Variants in RASGRF2 observed in about 807,000 individuals in gnomAD.
RASGRF2 encodes the protein ras-specific guanine nucleotide-releasing factor 2.
RASGRF2 carries 76 observed loss-of-function variants against 151.0 expected under a neutral mutation model. The observed-to-expected ratio is 0.50, with a 90% CI of 0.42 to 0.61. RASGRF2 has a LOEUF of 0.61. Among genes scored for constraint, RASGRF2 ranks in the 20% least tolerant of loss-of-function variants. RASGRF2 has a pLI of 0.00. For missense variants in RASGRF2, 1,148 were observed against 1,564.6 expected, an observed-to-expected ratio of 0.73 and a Z score of 4.49; for synonymous variants, 504 against 566.5, an observed-to-expected ratio of 0.89 and a Z score of 1.57.
At chr5:81,205,723 A>C (rs1431455639) in intron 19 of RASGRF2, among the ~76,000 whole-genome samples, 2 of 151,954 alleles carry the variant, frequency 1.3e-5, no homozygotes, top group African/African-American at 4.8e-5. Context: ...ATGGTTTGGG[A>C]CCGTTTAACT....
intron 1 of RASGRF2, among the ~76,000 whole-genome samples, chr5:81,022,807 C>CA (rs1459902798): frequency 6.6e-6 from 1 of 151,362 alleles, no homozygotes; most frequent in African/African-American, 2.4e-5. Flanking sequence ...GACCTGCTAT[C>CA]AGACAGAGCA....
chr5:81,135,501 T>C (rs1019737390), intron 17 of RASGRF2, among the ~76,000 whole-genome samples: 5 of 152,222 alleles, frequency 3.3e-5, no homozygotes, highest in Admixed American at 6.5e-5. Flanking sequence ...TTGTTCTCGA[T>C]ATTTAATATA....
chr5:81,037,475 A>T (rs933650685), intron 1 of RASGRF2, among the ~76,000 whole-genome samples: 1 of 152,116 alleles, frequency 6.6e-6, no homozygotes, highest in East Asian at 1.9e-4. Flanking sequence ...GGAAGATTGT[A>T]GGATCCTCTT....
chr5:80,970,909 T>A (rs953230719), intron 1 of RASGRF2, among the ~76,000 whole-genome samples: 1 of 152,180 alleles, frequency 6.6e-6, no homozygotes, highest in Non-Finnish European at 1.5e-5. Context: ...AGTAGCAGTT[T>A]TACATCCTCA....
chr5:81,201,819 G>T (rs1755401952), intron 19 of RASGRF2, among the ~76,000 whole-genome samples: 1 of 152,230 alleles, frequency 6.6e-6, no homozygotes, highest in African/African-American at 2.4e-5. Context: ...ATGTTTGTGA[G>T]TGTGGTTGTG....
chr5:81,113,404 G>C (rs1410934671), intron 14 of RASGRF2, 134 bp from the exon 15 acceptor site: 1 of 1,066,260 alleles, frequency 9.4e-7, no homozygotes, highest in Non-Finnish European at 1.3e-6. Context: ...GTAGCATTTA[G>C]ATTAACGGAA....
intron 12 of RASGRF2, among the ~76,000 whole-genome samples, chr5:81,099,064 C>T (rs1280771859): frequency 6.6e-6 from 1 of 152,174 alleles, no homozygotes; most frequent in Non-Finnish European, 1.5e-5. Context: ...ATGCAGATTC[C>T]TTAACCCACA....
chr5:81,041,312 A>G (rs1750671634), intron 1 of RASGRF2, among the ~76,000 whole-genome samples: 1 of 152,210 alleles, frequency 6.6e-6, no homozygotes, highest in East Asian at 1.9e-4. Context: ...AAAAAAAAAA[A>G]AAAAAAAATC....
chr5:81,107,770 G>A (rs879392356), intron 12 of RASGRF2, among the ~76,000 whole-genome samples: 4 of 152,140 alleles, frequency 2.6e-5, no homozygotes, highest in Non-Finnish European at 5.9e-5. Flanking sequence ...AAATTTATAG[G>A]TAGATGATCA....
chr5:81,119,921 A>C, intron 15 of RASGRF2, among the ~76,000 whole-genome samples: 1 of 152,174 alleles, frequency 6.6e-6, no homozygotes, highest in East Asian at 1.9e-4. Context: ...CCAGTACTCT[A>C]AAATAGTTAA....
At chr5:81,183,114 A>T (rs1754954179) in intron 18 of RASGRF2, 2,905 of 393,206 alleles carry the variant, frequency 7.4e-3, no homozygotes, top group Non-Finnish European at 9.3e-3. Flanking sequence ...AGGAAGTTGT[A>T]CTCATCTCAA....
intron 9 of RASGRF2, chr5:81,087,291 C>T: frequency 1.4e-6 from 1 of 703,086 alleles, no homozygotes; most frequent in Non-Finnish European, 2.6e-6. Flanking sequence ...CTGACGATAC[C>T]CAGGCCAAGG....
intron 23 of RASGRF2, 145 bp from the exon 24 acceptor site, chr5:81,215,731 T>C (rs1755722694): frequency 9.5e-7 from 1 of 1,050,422 alleles, no homozygotes. Context: ...CTCTACATCT[T>C]AGAATCCTAT....
chr5:81,079,546 C>T (rs944563011), intron 5 of RASGRF2, among the ~76,000 whole-genome samples: 1 of 152,198 alleles, frequency 6.6e-6, no homozygotes, highest in Non-Finnish European at 1.5e-5. Context: ...AATTACCCTT[C>T]CTGGCCCTTT....
chr5:80,973,494 T>G (rs1002312800), intron 1 of RASGRF2, among the ~76,000 whole-genome samples: 1 of 152,236 alleles, frequency 6.6e-6, no homozygotes, highest in Admixed American at 6.5e-5. Flanking sequence ...ATGTTTTGTC[T>G]GGAAGGGACA....
intron 26 of RASGRF2, 25 bp from the exon 27 acceptor site, chr5:81,225,653 G>C (rs766220874): frequency 6.2e-7 from 1 of 1,610,562 alleles, no homozygotes; most frequent in Non-Finnish European, 8.5e-7. Flanking sequence ...AGAGGTAAAA[G>C]CTGGGACTTC....
At chr5:81,021,969 T>C (rs934952549) in intron 1 of RASGRF2, among the ~76,000 whole-genome samples, 1 of 152,112 alleles carries the variant, frequency 6.6e-6, no homozygotes, top group Non-Finnish European at 1.5e-5. Flanking sequence ...GCTGAGTCAG[T>C]TCCTTGGTGG....
At chr5:81,171,551 G>T (rs1015138559) in intron 17 of RASGRF2, among the ~76,000 whole-genome samples, 5 of 34,650 alleles carry the variant, frequency 1.4e-4, no homozygotes, top group Non-Finnish European at 4.8e-4. Context: ...TTTTGTGTTT[G>T]TGTGTGTGTG....
intron 2 of RASGRF2, among the ~76,000 whole-genome samples, chr5:81,047,533 C>T (rs1170206971): frequency 6.6e-6 from 1 of 152,214 alleles, no homozygotes; most frequent in Non-Finnish European, 1.5e-5. Flanking sequence ...ATTCTCTTCC[C>T]TCCCCTCAGG....
Sources: gnomAD v4.1 joint callset for allele counts (sites outside exome capture counted in the v4.1 genomes callset) on GRCh38, gnomAD v4.1.1 for gene constraint, MANE v1.5 for transcripts, NCBI Gene and HGNC (gene_info 2026-07-23, HGNC 2026-07-21) for gene names.